The following PRMT8 variants were observed in gnomAD, a reference collection of about 807,000 sequenced individuals.
PRMT8 encodes protein arginine methyltransferase 8.
Under a neutral mutation model 47.1 loss-of-function variants are expected in PRMT8, and 7 were observed. The ratio of observed to expected loss-of-function variants is 0.15; its 90% CI spans 0.08 to 0.28. PRMT8 has a LOEUF of 0.28. Ranked by LOEUF, PRMT8 falls within the 10% of genes least tolerant of loss-of-function variation. PRMT8 has a pLI of 1.00. For synonymous variants in PRMT8, 188 were observed against 186.5 expected (o/e 1.01, Z -0.07); for missense variants, 237 against 505.4 (o/e 0.47, Z 5.09).
At chr12:3,565,903 A>G (rs1423855653) in intron 4 of PRMT8, among the ~76,000 whole-genome samples, 2 of 152,148 alleles carry the variant, frequency 1.3e-5, no homozygotes, top group African/African-American at 4.8e-5. Context: ...AGTCCTGTCC[A>G]CAAAAATTGT....
Position 3,540,474 on chromosome 12 carries a change from T to C in PRMT8, c.76-132T>C. Reference sequence around the variant, plus strand: ...TGGGAGCTGGAAGGGCTCACCTACCTCCCTTTCAGGAAGGGCTGCTGTGGC... The same window carrying C: ...TGGGAGCTGGAAGGGCTCACCTACCCCCCTTTCAGGAAGGGCTGCTGTGGC... On this transcript the variant is annotated intron_variant, in intron 1 of 9. Transcript: ENST00000382622. 4.6e-6 allele frequency: 3 copies of C among 650,160 alleles called. No individual in the cohort carries two copies. In the Admixed American group the frequency reaches 8.0e-5, roughly 17 times the overall value. 40.3% of individuals were successfully genotyped at this position (650,160 alleles called of 1,614,324 possible).
At chr12:3,443,293 C>T (rs1490925305) in intron 1 of PRMT8, among the ~76,000 whole-genome samples, 2 of 152,302 alleles carry the variant, frequency 1.3e-5, no homozygotes, top group Admixed American at 1.3e-4. Flanking sequence ...CTATTAATAA[C>T]CAAATTCACT....
chr12:3,561,862 A>G (rs1256383917), intron 4 of PRMT8, among the ~76,000 whole-genome samples: 1 of 152,200 alleles, frequency 6.6e-6, no homozygotes, highest in Non-Finnish European at 1.5e-5. Flanking sequence ...TAGTGGTCAT[A>G]CATTCCAGGG....
chr12:3,468,203 C>A (rs532284009), intron 1 of PRMT8, among the ~76,000 whole-genome samples: 1 of 152,234 alleles, frequency 6.6e-6, no homozygotes, highest in South Asian at 2.1e-4. Context: ...GGCTGGATAT[C>A]GTGCGTAAGC....
Position 3,467,551 on chromosome 12 carries a change from T to C in PRMT8, c.49-73055T>C, listed in dbSNP as rs112634959. ...AGCTGTGGAAACCCTTTGGTGAACC[T>C]CCGCAAAGCTCATTCCAATGGATGC... On this transcript the variant is annotated intron_variant, in intron 1 of 9. Transcript: ENST00000452611. 9.9e-3 allele frequency among the ~76,000 whole-genome samples: 1,500 copies of C among 152,134 alleles called. 30 individuals are homozygous for C. Among genetic ancestry groups the C allele is most frequent in the African/African-American group, 0.034 (1,400 of 41,510 alleles).
chr12:3,559,248 C>T (rs1401409021), intron 4 of PRMT8, among the ~76,000 whole-genome samples: 1 of 152,138 alleles, frequency 6.6e-6, no homozygotes, highest in East Asian at 1.9e-4. Flanking sequence ...TTCCCTTTTC[C>T]CGAGCCTTCT....
At chr12:3,494,587 A>G (rs1466621199) in intron 1 of PRMT8, among the ~76,000 whole-genome samples, 2 of 152,184 alleles carry the variant, frequency 1.3e-5, no homozygotes, top group African/African-American at 4.8e-5. Flanking sequence ...GAAGGGAGAG[A>G]TGCAGTGATG....
chr12:3,573,955 A>G (rs1264880558), intron 6 of PRMT8: 2 of 152,316 alleles, frequency 1.3e-5, no homozygotes, highest in Middle Eastern at 3.4e-3. Context: ...AAAAAGGGCT[A>G]CTGGGAAATA....
intron 1 of PRMT8, among the ~76,000 whole-genome samples, chr12:3,520,083 C>T (rs80136681): frequency 6.6e-6 from 1 of 152,098 alleles, no homozygotes. Flanking sequence ...TTTCCCAGAG[C>T]CAGGCTGGGC....
At chr12:3,561,343 A>G (rs1866633203) in intron 4 of PRMT8, among the ~76,000 whole-genome samples, 1 of 152,148 alleles carries the variant, frequency 6.6e-6, no homozygotes, top group African/African-American at 2.4e-5. Context: ...GACCAAATAC[A>G]ATCTGTTGTC....
At chr12:3,442,065 A>G (rs906183674) in intron 1 of PRMT8, among the ~76,000 whole-genome samples, 1 of 152,240 alleles carries the variant, frequency 6.6e-6, no homozygotes, top group Non-Finnish European at 1.5e-5. Flanking sequence ...AATGCTATTC[A>G]AAGAGGAAAA....
chr12:3,489,807 TCACACACACA>T (rs59257723), upstream of PRMT8, among the ~76,000 whole-genome samples: 7 of 144,092 alleles, frequency 4.9e-5, no homozygotes, highest in East Asian at 8.6e-4. Flanking sequence ...ATTCAAGTTT[TCACACACACA>T]CACACACACA....
intron 4 of PRMT8, among the ~76,000 whole-genome samples, chr12:3,554,669 C>T (rs1866492779): frequency 6.6e-6 from 1 of 152,120 alleles, no homozygotes; most frequent in South Asian, 2.1e-4. Flanking sequence ...CTTGAGGGGT[C>T]TGGGGCAGGG....
At chr12:3,407,827 C>T (rs1565400536) in intron 1 of PRMT8, among the ~76,000 whole-genome samples, 1 of 151,532 alleles carries the variant, frequency 6.6e-6, no homozygotes, top group Non-Finnish European at 1.5e-5. Flanking sequence ...TCTTTTTTTC[C>T]CTCTGACTGG....
intron 2 of PRMT8, 83 bp downstream of exon 2, chr12:3,540,874 A>C: frequency 7.1e-7 from 1 of 1,402,266 alleles, no homozygotes. Flanking sequence ...AGTGTGTTCA[A>C]CTCCTTACCA....
chr12:3,452,921 A>G (rs1864936477), intron 1 of PRMT8, among the ~76,000 whole-genome samples: 1 of 152,228 alleles, frequency 6.6e-6, no homozygotes, highest in South Asian at 2.1e-4. Context: ...CAATTCGGCA[A>G]GTCCCATTGA....
Position 3,587,202 on chromosome 12 carries a change from T to G in PRMT8, c.979+3994T>G, listed in dbSNP as rs147377833. On this transcript the variant is annotated intron_variant, in intron 8 of 9. Coordinates refer to ENST00000382622, the MANE Select transcript of PRMT8 (RefSeq NM_019854.5). The stretch of plus-strand genomic sequence containing the variant: ...AATTATATATAATTATATTATATAT[T>G]AATATAATGAATATCCATGAACTCA... Among the ~76,000 whole-genome samples, 395 of 148,236 alleles carry G rather than the reference T, an allele frequency of 2.7e-3. 2 individuals are homozygous for G. Among genetic ancestry groups the G allele is most frequent in the African/African-American group, 8.8e-3 (360 of 40,898 alleles).
chr12:3,410,899 C>A (rs1244091385), intron 1 of PRMT8, among the ~76,000 whole-genome samples: 2 of 152,198 alleles, frequency 1.3e-5, no homozygotes, highest in African/African-American at 4.8e-5. Context: ...CTTTATTTTA[C>A]ATTTTTAAGT....
At position 3,397,408 on chromosome 12, in the gene PRMT8, T is replaced by C. The variant is rs540217026; in HGVS notation, c.48+15966T>C. 8.7e-4 allele frequency among the ~76,000 whole-genome samples: 132 copies of C among 151,404 alleles called. 10 individuals carry two copies. In the South Asian group the frequency reaches 0.029, roughly 33 times the overall value. On this transcript the variant is annotated intron_variant, in intron 1 of 9. Coordinates refer to the PRMT8 transcript ENST00000452611. ...GTTTTTGGTGTGGATGTCCTTTCTG[T>C]TTGTTAGTTTTCCTTTTAACAGACA...
Sources: gnomAD v4.1 joint callset for allele counts (sites outside exome capture counted in the v4.1 genomes callset) on GRCh38, gnomAD v4.1.1 for gene constraint, MANE v1.5 for transcripts, NCBI Gene and HGNC (gene_info 2026-07-23, HGNC 2026-07-21) for gene names.